The following SOX5 variants were observed in gnomAD, a reference collection of about 807,000 sequenced individuals.
SOX5 encodes SRY-box transcription factor 5, also known as transcription factor SOX-5.
SOX5 carries 9 observed loss-of-function variants against 92.0 expected under a neutral mutation model. That is an observed-to-expected ratio of 0.10 (90% CI 0.06 to 0.17). SOX5 has a LOEUF of 0.17. SOX5 is among the 10% of genes least tolerant of loss of function. The probability of loss-of-function intolerance (pLI) is 1.00; values close to 1 mark genes in which losing one functional copy is unlikely to be tolerated. For missense variants in SOX5, 642 were observed against 944.5 expected, an observed-to-expected ratio of 0.68 and a Z score of 4.20; for synonymous variants, 344 against 336.3, an observed-to-expected ratio of 1.02 and a Z score of -0.25.
chr12:24,365,135 T>C (rs962195294), intron 2 of SOX5, among the ~76,000 whole-genome samples: 3 of 152,116 alleles, frequency 2.0e-5, no homozygotes, highest in Non-Finnish European at 4.4e-5. Flanking sequence ...TCACAGGGTT[T>C]TCATTTGTGC....
At position 23,983,677 on chromosome 12, in the gene SOX5, A is replaced by T. The variant is rs926938845; in HGVS notation, c.-1-87653T>A. On this transcript the variant is annotated intron_variant, in intron 4 of 4. Coordinates refer to the SOX5 transcript ENST00000446891. ...CATTCAGAATTATACAAATAAGTAC[A>T]TTCCAATTTATGAAAAGCTGAATTT... is the stretch of plus-strand genomic sequence containing the variant. Among the ~76,000 whole-genome samples, 4 of 152,298 alleles carry T rather than the reference A, an allele frequency of 2.6e-5. No individual in the cohort carries two copies. The South Asian group carries it at 8.3e-4, about 32-fold the overall frequency.
chr12:24,257,742 C>T (rs1017966397), intron 3 of SOX5, among the ~76,000 whole-genome samples: 2 of 151,762 alleles, frequency 1.3e-5, no homozygotes, highest in African/African-American at 4.8e-5. Flanking sequence ...GCTGGGATTA[C>T]TGGGATGAGC....
chr12:23,590,875 G>A (rs1041604740), intron 9 of SOX5, among the ~76,000 whole-genome samples: 1 of 151,886 alleles, frequency 6.6e-6, no homozygotes, highest in African/African-American at 2.4e-5. Context: ...TCTCTTGCTT[G>A]GAACAGATAA....
chr12:23,595,935 C>CA (rs1952337943), intron 9 of SOX5, among the ~76,000 whole-genome samples: 1 of 152,014 alleles, frequency 6.6e-6, no homozygotes, highest in Non-Finnish European at 1.5e-5. Flanking sequence ...AAGAAAATAA[C>CA]AAAAAAGACT....
At chr12:24,201,529 T>C (rs777172273) in intron 4 of SOX5, among the ~76,000 whole-genome samples, 1 of 152,252 alleles carries the variant, frequency 6.6e-6, no homozygotes. Context: ...CTATAAAATA[T>C]AGTTAATGAT....
At chr12:23,807,992 T>A (rs2142336647) in intron 3 of SOX5, among the ~76,000 whole-genome samples, 1 of 152,172 alleles carries the variant, frequency 6.6e-6, no homozygotes, top group African/African-American at 2.4e-5. Flanking sequence ...CATACTTTGT[T>A]AGAGTAGTCC....
At chr12:23,867,912 A>C (rs1056128203) in intron 2 of SOX5, among the ~76,000 whole-genome samples, 7 of 152,054 alleles carry the variant, frequency 4.6e-5, no homozygotes, top group Non-Finnish European at 8.8e-5. Flanking sequence ...AGATAGATTT[A>C]AGTAAATACC....
At chr12:23,899,630 T>A (rs1440969315) in intron 1 of SOX5, among the ~76,000 whole-genome samples, 2 of 152,110 alleles carry the variant, frequency 1.3e-5, no homozygotes, top group Non-Finnish European at 2.9e-5. Flanking sequence ...CAGACAAATA[T>A]AATCTAATGT....
intron 4 of SOX5, among the ~76,000 whole-genome samples, chr12:24,000,226 C>T (rs1243819249): frequency 4.0e-5 from 6 of 151,174 alleles, no homozygotes; most frequent in African/African-American, 1.2e-4. Context: ...TTGGTAACTT[C>T]GATCCGCAGA....
chr12:24,091,941 C>A (rs1944707870), intron 4 of SOX5, among the ~76,000 whole-genome samples: 1 of 152,166 alleles, frequency 6.6e-6, no homozygotes, highest in East Asian at 1.9e-4. Flanking sequence ...ACTATTAACT[C>A]TTTCCAAGAC....
chr12:24,317,708 T>C (rs1450227349), intron 2 of SOX5, among the ~76,000 whole-genome samples: 1 of 152,172 alleles, frequency 6.6e-6, no homozygotes, highest in Non-Finnish European at 1.5e-5. Context: ...CTCCACCAAG[T>C]CATTCAGGCC....
chr12:23,918,227 C>T (rs907986074), intron 1 of SOX5, among the ~76,000 whole-genome samples: 1 of 152,078 alleles, frequency 6.6e-6, no homozygotes, highest in Non-Finnish European at 1.5e-5. Context: ...CTCTGTTTTT[C>T]CATTTCATAA....
intron 4 of SOX5, among the ~76,000 whole-genome samples, chr12:24,125,321 G>A (rs1949009049): frequency 1.3e-5 from 2 of 151,924 alleles, no homozygotes; most frequent in Non-Finnish European, 2.9e-5. Flanking sequence ...TTCTTTCCCT[G>A]AATCCCAATC....
In SOX5 at chr12:24,144,585, C is replaced by G. The variant is rs577685810; in HGVS notation, c.-2+68758G>C. On this transcript the variant is annotated intron_variant, in intron 4 of 4. Coordinates refer to the SOX5 transcript ENST00000446891. ...GTTTGGGAGGCCAAGGCAGGAGGAT[C>G]GCTTGACACCAGGAGTTTGAGATCA... Among the ~76,000 whole-genome samples the G allele has an allele frequency of 2.0e-4, 30 of 152,216 alleles. No homozygotes were observed. The South Asian group carries it at 6.0e-3, about 31-fold the overall frequency.
At chr12:23,577,662 A>C (rs1168728151) in intron 9 of SOX5, among the ~76,000 whole-genome samples, 1 of 152,104 alleles carries the variant, frequency 6.6e-6, no homozygotes, top group African/African-American at 2.4e-5. Context: ...TTGAAAATTC[A>C]TGAGACAATT....
intron 4 of SOX5, among the ~76,000 whole-genome samples, chr12:24,162,609 A>C (rs34362406): frequency 1.3e-5 from 2 of 152,140 alleles, no homozygotes; most frequent in Non-Finnish European, 2.9e-5. Context: ...CGTGGCTTAC[A>C]ATTCCATCAG....
chr12:23,704,142 C>T (rs906762080), intron 6 of SOX5, among the ~76,000 whole-genome samples: 2 of 151,892 alleles, frequency 1.3e-5, no homozygotes, highest in Non-Finnish European at 2.9e-5. Flanking sequence ...TCTTCTACTT[C>T]CTCCAATGAC....
chr12:23,825,802 A>T (rs1404010130), intron 3 of SOX5, among the ~76,000 whole-genome samples: 5 of 152,210 alleles, frequency 3.3e-5, no homozygotes, highest in African/African-American at 1.2e-4. Context: ...TATCTATATT[A>T]TATGTATACT....
chr12:23,970,841 A>ATATATATATATATATATTTTTTTTT lies in SOX5; in HGVS notation c.-1-74818_-1-74817insAAAAAAAAATATATATATATATATA. Among the ~76,000 whole-genome samples the ATATATATATATATATATTTTTTTTT allele has an allele frequency of 9.1e-5, 2 of 21,884 alleles. 1 individual carries two copies. Among genetic ancestry groups the ATATATATATATATATATTTTTTTTT allele is most frequent in the Non-Finnish European group, 2.1e-4 (2 of 9,706 alleles). The allele number at this position is 21,884 out of a possible 152,430, so 14.4% of individuals were successfully genotyped here. ...ACATGGGACTTTATATATATATATAATTTTTTTTTTTTTTTAAGAAATGGG... is the reference window on the plus strand; with the variant it reads ...ACATGGGACTTTATATATATATATAATATATATATATATATATTTTTTTTTTTTTTTTTTTTTTTTAAGAAATGGG... On this transcript the variant is annotated intron_variant, in intron 4 of 4. Coordinates refer to the SOX5 transcript ENST00000446891.
Sources: allele counts gnomAD v4.1 joint callset (sites outside exome capture counted in the v4.1 genomes callset), GRCh38; gene constraint gnomAD v4.1.1; transcripts MANE v1.5; gene names NCBI Gene and HGNC (gene_info 2026-07-23, HGNC 2026-07-21).